PAPPA2: variants seen among roughly 807,000 people sequenced by gnomAD.
PAPPA2 encodes pappalysin-2.
Under a neutral mutation model 176.4 loss-of-function variants are expected in PAPPA2, and 86 were observed. The observed-to-expected ratio is 0.49, with a 90% confidence interval of 0.41 to 0.58. The LOEUF (loss-of-function observed/expected upper bound fraction) is 0.58, where lower values mean the gene tolerates loss of function less well. Ranked by LOEUF, PAPPA2 falls within the 20% of genes least tolerant of loss-of-function variation. PAPPA2 has a pLI of 0.00. For missense variants in PAPPA2, 2,073 were observed against 2,256.9 expected (o/e 0.92, Z 1.65); for synonymous variants, 809 against 852.2 (o/e 0.95, Z 0.88).
chr1:176,576,668 G>A (rs1480259581), intron 2 of PAPPA2, among the ~76,000 whole-genome samples: 1 of 152,150 alleles, frequency 6.6e-6, no homozygotes, highest in Non-Finnish European at 1.5e-5. Flanking sequence ...GCTCCTCAGT[G>A]TATGGTTTGA....
chr1:176,616,314 C>T (rs1375591449), intron 3 of PAPPA2: 13 of 541,924 alleles, frequency 2.4e-5, no homozygotes, highest in South Asian at 1.5e-4. Flanking sequence ...ATCTTTGAAG[C>T]GCAGCCGCAT....
At chr1:176,671,625 A>C (rs1172641121) in intron 4 of PAPPA2, among the ~76,000 whole-genome samples, 1 of 152,106 alleles carries the variant, frequency 6.6e-6, no homozygotes, top group Non-Finnish European at 1.5e-5. Flanking sequence ...TAAGAAAGAC[A>C]ATCCTATTCA....
chr1:176,762,302 A>G (rs1174294337), intron 14 of PAPPA2, among the ~76,000 whole-genome samples: 3 of 148,024 alleles, frequency 2.0e-5, no homozygotes, highest in Non-Finnish European at 4.4e-5. Context: ...TTTCCCTCTC[A>G]TATTCTCCCC....
intron 21 of PAPPA2, among the ~76,000 whole-genome samples, chr1:176,810,669 G>C (rs1404410083): frequency 1.3e-5 from 2 of 152,262 alleles, no homozygotes; most frequent in East Asian, 3.9e-4. Context: ...CAATAGTGTG[G>C]TTCTGGACCA....
At chr1:176,709,923 C>A in intron 10 of PAPPA2, 60 bp from the exon 11 acceptor site, 1 of 1,453,082 alleles carries the variant, frequency 6.9e-7, no homozygotes, top group South Asian at 1.3e-5. Flanking sequence ...TTCCCATGTT[C>A]ATTTTTTTCA....
At chr1:176,702,557 C>T (rs1329735662) in intron 8 of PAPPA2, 50 bp from the exon 9 acceptor site, 3 of 1,604,386 alleles carry the variant, frequency 1.9e-6, no homozygotes, top group Non-Finnish European at 2.6e-6. Context: ...GGACCCAGGG[C>T]ATGCCTCACT....
At chr1:176,604,186 T>C (rs1654483723) in intron 3 of PAPPA2, among the ~76,000 whole-genome samples, 1 of 152,252 alleles carries the variant, frequency 6.6e-6, no homozygotes, top group Non-Finnish European at 1.5e-5. Flanking sequence ...AGGCCTTCCC[T>C]GGAGACCTCA....
At position 176,594,867 on chromosome 1, in the gene PAPPA2, A is replaced by G; in HGVS notation, c.1263A>G (p.Gly421=). ...DSSEDGHYFR[G]HLGTLVFWST... ...CTGAGGATGGGCACTATTTCCGTGGACACCTGGGCACACTGGTTTTCTGGT... is the reference window on the plus strand; with the variant it reads ...CTGAGGATGGGCACTATTTCCGTGGGCACCTGGGCACACTGGTTTTCTGGT... Residue 421 remains glycine, a synonymous_variant, in exon 3 of 23, where the codon GGA becomes GGG. Coordinates refer to ENST00000367662, the MANE Select transcript of PAPPA2 (RefSeq NM_020318.3). 6.2e-7 allele frequency: 1 copy of G among 1,614,164 alleles called. No homozygotes were observed. The highest frequency in any genetic ancestry group is 8.5e-7 in the Non-Finnish European group (1 of 1,180,032).
intron 2 of PAPPA2, among the ~76,000 whole-genome samples, chr1:176,591,539 G>T (rs1653667650): frequency 6.6e-6 from 1 of 152,146 alleles, no homozygotes; most frequent in Admixed American, 6.5e-5. Context: ...TTTATTTTCT[G>T]CACTATATTG....
At chr1:176,719,001 T>C (rs1661499286) in intron 12 of PAPPA2, among the ~76,000 whole-genome samples, 1 of 152,070 alleles carries the variant, frequency 6.6e-6, no homozygotes. Flanking sequence ...CTGAGAGACA[T>C]GTATTATATT....
At chr1:176,658,906 C>T (rs140309851) in intron 3 of PAPPA2, among the ~76,000 whole-genome samples, 2 of 152,030 alleles carry the variant, frequency 1.3e-5, no homozygotes, top group East Asian at 3.9e-4. Flanking sequence ...GATTATAGAA[C>T]ATCAGAAATA....
intron 1 of PAPPA2, among the ~76,000 whole-genome samples, chr1:176,550,815 T>A (rs1362317394): frequency 1.3e-5 from 2 of 152,164 alleles, no homozygotes; most frequent in Non-Finnish European, 2.9e-5. Flanking sequence ...AAATCCAGAT[T>A]TGCATTTCCT....
chr1:176,741,489 C>T (rs538163812), intron 14 of PAPPA2, among the ~76,000 whole-genome samples: 1 of 152,236 alleles, frequency 6.6e-6, no homozygotes, highest in South Asian at 2.1e-4. Flanking sequence ...TGAGAGACTA[C>T]CCAAGAAGGA....
chr1:176,643,026 A>C (rs2048066), intron 3 of PAPPA2, among the ~76,000 whole-genome samples: 1 of 151,904 alleles, frequency 6.6e-6, no homozygotes, highest in Non-Finnish European at 1.5e-5. Context: ...CATAAAAAAC[A>C]TATAAGACCT....
intron 1 of PAPPA2, among the ~76,000 whole-genome samples, chr1:176,492,237 G>A (rs561864832): frequency 3.3e-5 from 5 of 152,272 alleles, no homozygotes; most frequent in African/African-American, 7.2e-5. Flanking sequence ...GCTTAGACAC[G>A]GTCGTTCTCC....
chr1:176,800,789 A>G (rs1038022075), intron 21 of PAPPA2, among the ~76,000 whole-genome samples: 2 of 152,066 alleles, frequency 1.3e-5, no homozygotes, highest in East Asian at 3.9e-4. Context: ...GTTTAAAATA[A>G]CTGCCTGGGT....
chr1:176,557,517 C>A (rs140820710), intron 2 of PAPPA2, among the ~76,000 whole-genome samples: 3 of 152,254 alleles, frequency 2.0e-5, no homozygotes, highest in Non-Finnish European at 4.4e-5. Flanking sequence ...GACTTTAGCT[C>A]TCTTACCTGT....
chr1:176,519,973 G>A (rs1356717819), intron 1 of PAPPA2, among the ~76,000 whole-genome samples: 1 of 152,240 alleles, frequency 6.6e-6, no homozygotes, highest in East Asian at 1.9e-4. Flanking sequence ...CTTGGACTGG[G>A]AAAAGCTGTA....
intron 12 of PAPPA2, among the ~76,000 whole-genome samples, chr1:176,719,800 A>G (rs147977532): frequency 4.6e-5 from 7 of 152,262 alleles, no homozygotes; most frequent in Non-Finnish European, 5.9e-5. Flanking sequence ...CATCCTTTTT[A>G]GCCAATTCCC....
Sources: gnomAD v4.1 joint callset for allele counts (sites outside exome capture counted in the v4.1 genomes callset) on GRCh38, gnomAD v4.1.1 for gene constraint, MANE v1.5 for transcripts, NCBI Gene and HGNC (gene_info 2026-07-23, HGNC 2026-07-21) for gene names.